The following ABLIM1 variants were observed in gnomAD, a reference collection of about 807,000 sequenced individuals.
ABLIM1 encodes actin-binding LIM protein 1.
In ABLIM1, 40 loss-of-function variants were observed where a neutral mutation model predicts 107.0. The ratio of observed to expected loss-of-function variants is 0.37; its 90% CI spans 0.29 to 0.49. The LOEUF (loss-of-function observed/expected upper bound fraction) is 0.49. Among genes scored for constraint, ABLIM1 ranks in the 20% least tolerant of loss-of-function variants. ABLIM1 has a pLI of 0.97. For missense variants in ABLIM1, 857 were observed against 1,008.5 expected (o/e 0.85, Z 2.04); for synonymous variants, 357 against 357.3 (o/e 1.00, Z 0.01).
intron 1 of ABLIM1, among the ~76,000 whole-genome samples, chr10:114,751,642 C>T (rs1452019484): frequency 2.6e-5 from 4 of 151,040 alleles, no homozygotes; most frequent in Admixed American, 6.6e-5. Context: ...CCCAGCTACT[C>T]GGGAGGCTGA....
At chr10:114,468,299 G>A in intron 10 of ABLIM1, 83 bp from the exon 11 acceptor site, 2 of 1,344,788 alleles carry the variant, frequency 1.5e-6, no homozygotes, top group Non-Finnish European at 2.1e-6. Flanking sequence ...GTTTGAGATG[G>A]AGTCTCGCTC....
intron 6 of ABLIM1, among the ~76,000 whole-genome samples, chr10:114,527,919 C>T (rs2065022532): frequency 6.7e-6 from 1 of 150,068 alleles, no homozygotes; most frequent in African/African-American, 2.5e-5. Context: ...CTCACTGTAA[C>T]CTCCGCCTCC....
In ABLIM1 at chr10:114,553,613, T is replaced by A. The variant is rs537984837; in HGVS notation, c.674-5837A>T. ...CTGCTCTGCTGCAAGGGTTACAGGA[T>A]CCTGTTAGAAGGAGGAACAGCCTCC... On this transcript the variant is annotated intron_variant, in intron 4 of 22. Coordinates refer to ENST00000533213, the MANE Select transcript of ABLIM1 (RefSeq NM_002313.7). Among the ~76,000 whole-genome samples, 416 of 152,284 alleles carry A rather than the reference T, an allele frequency of 2.7e-3. 3 individuals carry two copies. The highest frequency in any genetic ancestry group is 3.8e-3 in the Non-Finnish European group (257 of 68,034).
At chr10:114,740,259 G>A (rs2142274122) in intron 1 of ABLIM1, among the ~76,000 whole-genome samples, 1 of 152,010 alleles carries the variant, frequency 6.6e-6, no homozygotes. Context: ...TTATAAGAAG[G>A]ACTTTAAAGA....
chr10:114,608,585 C>T (rs1255140686), intron 1 of ABLIM1, among the ~76,000 whole-genome samples: 1 of 151,862 alleles, frequency 6.6e-6, no homozygotes, highest in East Asian at 1.9e-4. Context: ...AGGAGAATCA[C>T]TTGAACCTGG....
intron 1 of ABLIM1, among the ~76,000 whole-genome samples, chr10:114,603,218 A>C (rs1006850868): frequency 5.9e-5 from 9 of 152,342 alleles, no homozygotes; most frequent in Non-Finnish European, 1.0e-4. Flanking sequence ...CCTTACAACA[A>C]GGAGCTCGCT....
chr10:114,457,635 T>C (rs927203891), intron 12 of ABLIM1, among the ~76,000 whole-genome samples: 7 of 152,310 alleles, frequency 4.6e-5, no homozygotes, highest in African/African-American at 1.7e-4. Context: ...ATGGGGGCCC[T>C]AAGAGGCCAT....
At chr10:114,571,524 A>G in intron 3 of ABLIM1, 118 bp from the exon 4 acceptor site, 1 of 954,410 alleles carries the variant, frequency 1.0e-6, no homozygotes, top group Non-Finnish European at 1.6e-6. Context: ...AGCAGCCAAC[A>G]TGTCTGAAAT....
intron 1 of ABLIM1, among the ~76,000 whole-genome samples, chr10:114,671,129 T>C (rs962256963): frequency 6.6e-6 from 1 of 152,226 alleles, no homozygotes; most frequent in Non-Finnish European, 1.5e-5. Flanking sequence ...CTATTCTGAC[T>C]TAATCTCATG....
chr10:114,537,667 A>C (rs2066185735), intron 6 of ABLIM1, among the ~76,000 whole-genome samples: 1 of 152,226 alleles, frequency 6.6e-6, no homozygotes, highest in South Asian at 2.1e-4. Context: ...TGCAGATGTT[A>C]AAAATATTAT....
rs980292511 is a variant in ABLIM1 at position 114,485,462 on chromosome 10, A to C, written c.1041+2496T>G. On this transcript the variant is annotated intron_variant, in intron 8 of 22. Transcript: ENST00000533213. ...AGAATTATTTTAAAAAATAAAACAAAACAACAACCACCTTAGGTAAAACTA... is the reference window on the plus strand; with the variant it reads ...AGAATTATTTTAAAAAATAAAACAACACAACAACCACCTTAGGTAAAACTA... 2.4e-6 allele frequency: 3 copies of C among 1,267,320 alleles called. No homozygotes were observed. In the East Asian group the frequency reaches 7.9e-5, roughly 34 times the overall value. The allele number at this position is 1,267,320 out of a possible 1,614,324, so 78.5% of individuals were successfully genotyped here. A position where few individuals can be genotyped will look rare whatever the true frequency, so the allele number is the denominator to read the frequency against.
intron 12 of ABLIM1, among the ~76,000 whole-genome samples, chr10:114,457,106 G>A (rs1276751975): frequency 6.6e-6 from 1 of 152,050 alleles, no homozygotes; most frequent in African/African-American, 2.4e-5. Context: ...CCGCTCATCG[G>A]GGAATAAGTT....
intron 1 of ABLIM1, among the ~76,000 whole-genome samples, chr10:114,704,190 T>C (rs935533470): frequency 2.6e-5 from 4 of 151,102 alleles, no homozygotes; most frequent in African/African-American, 9.7e-5. Context: ...CATAATTTAT[T>C]TGGCATTTGT....
At chr10:114,698,713 C>G (rs1178215564) in intron 1 of ABLIM1, among the ~76,000 whole-genome samples, 1 of 152,136 alleles carries the variant, frequency 6.6e-6, no homozygotes, top group Non-Finnish European at 1.5e-5. Flanking sequence ...CTCAGACTAC[C>G]ATGAGGCTTG....
At chr10:114,485,303 A>G in intron 8 of ABLIM1, 1 of 1,609,292 alleles carries the variant, frequency 6.2e-7, no homozygotes, top group Non-Finnish European at 8.5e-7. Flanking sequence ...CAACCTGCAG[A>G]GACGGAGACC....
intron 1 of ABLIM1, among the ~76,000 whole-genome samples, chr10:114,675,913 A>T (rs1230139765): frequency 6.6e-6 from 1 of 151,980 alleles, no homozygotes; most frequent in Admixed American, 6.6e-5. Context: ...TGCCATTTTT[A>T]CCTATGCATG....
intron 1 of ABLIM1, among the ~76,000 whole-genome samples, chr10:114,720,165 C>T (rs2081805955): frequency 6.6e-6 from 1 of 152,252 alleles, no homozygotes; most frequent in Admixed American, 6.5e-5. Context: ...AGGATAATGG[C>T]TTCCAGCTCT....
At chr10:114,647,101 T>C (rs1380265151) in intron 1 of ABLIM1, among the ~76,000 whole-genome samples, 1 of 152,138 alleles carries the variant, frequency 6.6e-6, no homozygotes, top group African/African-American at 2.4e-5. Context: ...GTTCAAGCAA[T>C]TATTGTGCCT....
intron 1 of ABLIM1, among the ~76,000 whole-genome samples, chr10:114,744,066 G>A (rs2082336915): frequency 1.3e-5 from 2 of 152,184 alleles, no homozygotes; most frequent in Admixed American, 6.5e-5. Flanking sequence ...TGGCGTGGGC[G>A]TAGAAGCAGA....
Sources: gnomAD v4.1 joint callset for allele counts (sites outside exome capture counted in the v4.1 genomes callset) on GRCh38, gnomAD v4.1.1 for gene constraint, MANE v1.5 for transcripts, NCBI Gene and HGNC (gene_info 2026-07-23, HGNC 2026-07-21) for gene names.